Variants in STON2 observed in about 807,000 individuals in gnomAD.
STON2 encodes the protein stonin 2.
A neutral mutation model predicts 65.7 loss-of-function variants in STON2; 29 were observed. The ratio of observed to expected loss-of-function variants is 0.44; its 90% confidence interval spans 0.33 to 0.60. The LOEUF is 0.60. Ranked by LOEUF, STON2 falls within the 20% of genes least tolerant of loss-of-function variation. The pLI is 0.03. For synonymous variants in STON2, 404 were observed against 414.2 expected (o/e 0.98, Z 0.30); for missense variants, 1,054 against 1,118.1 (o/e 0.94, Z 0.82).
At chr14:81,347,255 A>G (rs1897844338) in intron 4 of STON2, among the ~76,000 whole-genome samples, 2 of 152,136 alleles carry the variant, frequency 1.3e-5, no homozygotes. Context: ...AAAACCAAAA[A>G]TACACAAATA....
chr14:81,430,351 G>A (rs770984726), intron 1 of STON2, among the ~76,000 whole-genome samples: 25 of 152,140 alleles, frequency 1.6e-4, no homozygotes, highest in Admixed American at 1.5e-3. Flanking sequence ...TGAATTCCTC[G>A]TAACGTTCTC....
At position 81,433,918 on chromosome 14, in the gene STON2, T is replaced by C. The variant is rs1396302037; in HGVS notation, c.-310+2403A>G. Among the ~76,000 whole-genome samples, 4 of 152,190 alleles carry C rather than the reference T, an allele frequency of 2.6e-5. No homozygotes were observed. In the East Asian group the frequency reaches 7.7e-4, roughly 29 times the overall value. On this transcript the variant is annotated intron_variant, in intron 1 of 8. Coordinates refer to the STON2 transcript ENST00000553821. ...CTGTAACAGTCCTTTTGATCACTTC[T>C]CTCAGTCTGGAATGTCTTCTCTTCT... is the stretch of plus-strand genomic sequence containing the variant.
At chr14:81,294,934 A>G (rs904206025) in intron 5 of STON2, among the ~76,000 whole-genome samples, 4 of 152,236 alleles carry the variant, frequency 2.6e-5, no homozygotes, top group Non-Finnish European at 5.9e-5. Context: ...TACAATTGCT[A>G]TTCAGACATT....
In STON2 at chr14:81,413,258, C is replaced by A. The variant is rs544996065; in HGVS notation, c.-199+13844G>T. 1.3e-5 allele frequency: 20 copies of A among 1,513,622 alleles called. 4 individuals carry two copies. Among genetic ancestry groups the A allele is most frequent in the African/African-American group, 9.8e-5 (6 of 60,956 alleles). The allele number at this position is 1,513,622 out of a possible 1,614,324, so 93.8% of individuals were successfully genotyped here. ...TGGTTAAAAGCATGGACTGTGCCAC[C>A]CACCAGTGGTCCATCCAAAAACAAG... On this transcript the variant is annotated intron_variant, in intron 2 of 8. Coordinates refer to the STON2 transcript ENST00000553821.
At chr14:81,332,947 C>A (rs1399445455) in intron 4 of STON2, 3 of 389,366 alleles carry the variant, frequency 7.7e-6, no homozygotes, top group South Asian at 7.4e-5. Context: ...CTCCACAGCT[C>A]ACTGCTAGAC....
chr14:81,402,309 T>C (rs146218027), upstream of STON2, among the ~76,000 whole-genome samples: 2,391 of 152,228 alleles, frequency 0.016, 28 homozygotes, highest in South Asian at 0.042. Flanking sequence ...ACATGTACTG[T>C]TTCTGCCCAT....
intron 5 of STON2, among the ~76,000 whole-genome samples, chr14:81,279,991 T>A (rs1397105973): frequency 6.6e-6 from 1 of 152,212 alleles, no homozygotes; most frequent in Non-Finnish European, 1.5e-5. Context: ...ATTCAACAAT[T>A]GGGTGAGTGT....
intron 1 of STON2, among the ~76,000 whole-genome samples, chr14:81,433,595 C>T (rs927091897): frequency 6.6e-5 from 10 of 152,230 alleles, no homozygotes; most frequent in Admixed American, 6.5e-4. Context: ...GCAGACTTTG[C>T]CATGTGAGTT....
chr14:81,319,081 A>T (rs1896731064), intron 5 of STON2, among the ~76,000 whole-genome samples: 1 of 152,170 alleles, frequency 6.6e-6, no homozygotes, highest in Middle Eastern at 3.2e-3. Flanking sequence ...CATGGTATAA[A>T]GCTACCCGCC....
intron 3 of STON2, among the ~76,000 whole-genome samples, chr14:81,375,162 A>G (rs1480083558): frequency 6.6e-6 from 1 of 152,146 alleles, no homozygotes; most frequent in Non-Finnish European, 1.5e-5. Flanking sequence ...TCAGACAAAC[A>G]AAAACTATAA....
At chr14:81,294,618 A>T (rs995169265) in intron 5 of STON2, among the ~76,000 whole-genome samples, 1 of 152,128 alleles carries the variant, frequency 6.6e-6, no homozygotes, top group Non-Finnish European at 1.5e-5. Flanking sequence ...TTTATTTTTG[A>T]TATTATTATT....
Position 81,370,984 on chromosome 14 carries a change from T to C in STON2, c.571+4A>G, listed in dbSNP as rs1898958206. The C allele has an allele frequency of 6.2e-7, 1 of 1,611,880 alleles. No homozygotes were observed. Among genetic ancestry groups the C allele is most frequent in the African/African-American group, 1.3e-5 (1 of 74,868 alleles). ...AAGCCCTCTGGCTTAGAGCTCCATC[T>C]TACCAGTTGAGTCAGCCCCAGAAGC... On this transcript the variant is annotated splice_donor_region_variant and intron_variant, in intron 4 of 7. Coordinates refer to ENST00000614646, the MANE Select transcript of STON2 (RefSeq NM_001394390.1).
At chr14:81,387,164 T>G (rs925766635) in intron 3 of STON2, among the ~76,000 whole-genome samples, 29 of 137,008 alleles carry the variant, frequency 2.1e-4, no homozygotes, top group African/African-American at 8.2e-4. Context: ...CAGAAGGTTG[T>G]TTTTTTTTTT....
intron 3 of STON2, among the ~76,000 whole-genome samples, chr14:81,386,269 T>C (rs533130900): frequency 2.6e-5 from 4 of 152,218 alleles, no homozygotes; most frequent in Non-Finnish European, 5.9e-5. Flanking sequence ...TACATATGCA[T>C]GCAAAATGCA....
Position 81,278,032 on chromosome 14 carries a change from C to T in STON2, c.1450G>A (p.Gly484Arg), listed in dbSNP as rs937412176. The T allele has an allele frequency of 1.9e-5, 30 of 1,614,194 alleles. No homozygotes were observed. The highest frequency in any genetic ancestry group is 2.4e-5 in the Non-Finnish European group (28 of 1,180,044). Residue 484 changes from glycine (G) to arginine (R), a missense_variant, in exon 6 of 8, where the codon GGG (glycine) becomes AGG (arginine). Gly to Arg is a moderately radical substitution (Grantham distance 125). Transcript: ENST00000614646. ...PGSARSQPRD[G>R]WPMMLRIPEK... The stretch of plus-strand genomic sequence containing the variant: ...GGGATCCTCAACATCATTGGCCACC[C>T]GTCACGAGGCTGGGACCGTGCTGAT...
upstream of STON2, among the ~76,000 whole-genome samples, chr14:81,401,129 C>T (rs757642547): frequency 3.3e-5 from 5 of 152,190 alleles, no homozygotes; most frequent in Non-Finnish European, 7.3e-5. Context: ...CATGAAACCA[C>T]TGCATTTCTG....
intron 5 of STON2, among the ~76,000 whole-genome samples, chr14:81,322,630 CAA>C (rs1282575972): frequency 6.6e-6 from 1 of 152,168 alleles, no homozygotes; most frequent in East Asian, 1.9e-4. Flanking sequence ...TTACCTCCAG[CAA>C]AAGACATACT....
At chr14:81,274,891 C>T (rs954437454) in intron 6 of STON2, among the ~76,000 whole-genome samples, 5 of 151,766 alleles carry the variant, frequency 3.3e-5, no homozygotes, top group Non-Finnish European at 5.9e-5. Context: ...GGCAACACAG[C>T]GAGACTTCAT....
At chr14:81,380,494 T>C (rs1268755813) in intron 3 of STON2, among the ~76,000 whole-genome samples, 4 of 152,128 alleles carry the variant, frequency 2.6e-5, no homozygotes, top group Non-Finnish European at 5.9e-5. Context: ...ACTGTGTATA[T>C]ACCCAAAGGA....
Sources: gnomAD v4.1 joint callset for allele counts (sites outside exome capture counted in the v4.1 genomes callset) on GRCh38, gnomAD v4.1.1 for gene constraint, MANE v1.5 for transcripts, NCBI Gene and HGNC (gene_info 2026-07-23, HGNC 2026-07-21) for gene names.